PDZRN3: variants seen among roughly 807,000 people sequenced by gnomAD.
The protein encoded by PDZRN3 is E3 ubiquitin-protein ligase PDZRN3.
Under a neutral mutation model 85.7 loss-of-function variants are expected in PDZRN3, and 38 were observed. The observed-to-expected ratio is 0.44, with a 90% CI of 0.34 to 0.58. PDZRN3 has a LOEUF of 0.58. PDZRN3 is among the 20% of genes least tolerant of loss of function. PDZRN3 has a pLI of 0.01. For synonymous variants in PDZRN3, 759 were observed against 638.0 expected (o/e 1.19, Z -2.86); for missense variants, 1,629 against 1,506.4 (o/e 1.08, Z -1.35).
chr3:73,441,538 GTTCT>G (rs1367858337), intron 3 of PDZRN3, among the ~76,000 whole-genome samples: 5 of 152,026 alleles, frequency 3.3e-5, no homozygotes, highest in African/African-American at 1.2e-4. Flanking sequence ...TGAGCTAAGA[GTTCT>G]TTGACACTTG....
chr3:73,433,762 A>G, intron 3 of PDZRN3: 1 of 1,535,052 alleles, frequency 6.5e-7, no homozygotes, highest in Non-Finnish European at 8.7e-7. Context: ...CGGGAAAAGC[A>G]GCTCCCTTAC....
intron 3 of PDZRN3, among the ~76,000 whole-genome samples, chr3:73,527,332 A>G (rs2106744895): frequency 6.6e-6 from 1 of 152,264 alleles, no homozygotes; most frequent in African/African-American, 2.4e-5. Flanking sequence ...AATGGTTTTT[A>G]AGGCCACAAG....
At position 73,527,613 on chromosome 3, in the gene PDZRN3, T is replaced by C. The variant is rs904330592; in HGVS notation, c.918+74741A>G. Among the ~76,000 whole-genome samples the C allele has an allele frequency of 8.3e-4, 126 of 152,266 alleles. 1 individual carries two copies. Among genetic ancestry groups the C allele is most frequent in the African/African-American group, 2.8e-3 (117 of 41,564 alleles). ...AAAAAAAAAATCATACATTCTGAGC[T>C]GTTCTCAGAATTCTCAGGTCTATGA... On this transcript the variant is annotated intron_variant, in intron 3 of 9. Transcript: ENST00000263666.
At chr3:73,620,200 G>C (rs180945507) in intron 1 of PDZRN3, among the ~76,000 whole-genome samples, 2 of 152,204 alleles carry the variant, frequency 1.3e-5, no homozygotes, top group Non-Finnish European at 2.9e-5. Flanking sequence ...GAGTGAGCTG[G>C]AGAGCTGTGA....
At chr3:73,604,751 T>C (rs990454349) in intron 2 of PDZRN3, among the ~76,000 whole-genome samples, 1 of 152,148 alleles carries the variant, frequency 6.6e-6, no homozygotes, top group Non-Finnish European at 1.5e-5. Context: ...AAGAGGGAGA[T>C]AGGGGATAGG....
chr3:73,549,607 G>A (rs140034735), intron 3 of PDZRN3, among the ~76,000 whole-genome samples: 6 of 152,184 alleles, frequency 3.9e-5, no homozygotes, highest in African/African-American at 1.2e-4. Context: ...ACTCAAAGAC[G>A]GAGAGAAGGG....
At chr3:73,564,791 C>T (rs534559963) in intron 3 of PDZRN3, among the ~76,000 whole-genome samples, 1 of 152,314 alleles carries the variant, frequency 6.6e-6, no homozygotes. Context: ...CTGTGTGACA[C>T]TGGGCAAGCC....
intron 2 of PDZRN3, 37 bp downstream of exon 2, chr3:73,608,561 C>T: frequency 7.1e-7 from 1 of 1,416,162 alleles, no homozygotes; most frequent in Non-Finnish European, 1.0e-6. Flanking sequence ...CCAGCTACAC[C>T]AGGAAAAGGA....
At position 73,404,375 on chromosome 3, in the gene PDZRN3, G is replaced by A. The variant is rs1239634708; in HGVS notation, c.939C>T (p.Ser313=). The A allele has an allele frequency of 6.8e-6, 11 of 1,613,806 alleles. No individual in the cohort carries two copies. Among genetic ancestry groups the A allele is most frequent in the Non-Finnish European group, 9.3e-6 (11 of 1,179,908 alleles). The stretch of plus-strand genomic sequence containing the variant: ...CCACAGCCTGGTCATGAGTTGCTCT[G>A]GATAAGTCTCTGCCGTTGACCTGTG... ...RIIEVNGRDL[S]RATHDQAVEA... The change falls in exon 4 of 10, where the codon TCC becomes TCT. Residue 313 remains serine, a synonymous_variant. Transcript: ENST00000263666.
intron 2 of PDZRN3, among the ~76,000 whole-genome samples, chr3:73,608,094 T>G (rs1322460968): frequency 1.3e-5 from 2 of 152,198 alleles, no homozygotes. Flanking sequence ...GAGGAGGGTC[T>G]GCTGATGAAT....
At chr3:73,532,559 G>A (rs763964635) in intron 3 of PDZRN3, among the ~76,000 whole-genome samples, 6 of 152,138 alleles carry the variant, frequency 3.9e-5, no homozygotes, top group Non-Finnish European at 7.4e-5. Context: ...GTTACTTCTG[G>A]CAAACACATG....
At chr3:73,492,443 A>C (rs1703789363) in intron 3 of PDZRN3, among the ~76,000 whole-genome samples, 1 of 152,180 alleles carries the variant, frequency 6.6e-6, no homozygotes, top group Admixed American at 6.5e-5. Context: ...CCTTGCCTTG[A>C]ATATGCTCTA....
At chr3:73,594,726 G>C (rs1469047762) in intron 3 of PDZRN3, among the ~76,000 whole-genome samples, 2 of 152,070 alleles carry the variant, frequency 1.3e-5, no homozygotes, top group East Asian at 3.8e-4. Context: ...AGAGTCTTCT[G>C]TTGCTGTAGT....
At chr3:73,422,199 T>C (rs1484054912) in intron 3 of PDZRN3, among the ~76,000 whole-genome samples, 3 of 152,182 alleles carry the variant, frequency 2.0e-5, no homozygotes, top group South Asian at 4.1e-4. Flanking sequence ...TGCCCACTAA[T>C]GTCTTTTAAT....
intron 2 of PDZRN3, among the ~76,000 whole-genome samples, chr3:73,605,301 T>G (rs1037580560): frequency 2.0e-5 from 3 of 152,212 alleles, no homozygotes; most frequent in Non-Finnish European, 4.4e-5. Flanking sequence ...GTTACAGCTA[T>G]TTATCAAGGT....
At chr3:73,433,898 C>G (rs1479631545) in intron 3 of PDZRN3, 20 of 1,430,262 alleles carry the variant, frequency 1.4e-5, no homozygotes, top group Non-Finnish European at 1.6e-5. Context: ...TCCCTTCCTC[C>G]CCTCGCAGCA....
At chr3:73,420,832 C>T (rs1702185756) in intron 3 of PDZRN3, among the ~76,000 whole-genome samples, 1 of 152,258 alleles carries the variant, frequency 6.6e-6, no homozygotes, top group African/African-American at 2.4e-5. Flanking sequence ...CTTCCCAAAT[C>T]CATGAATTCT....
chr3:73,454,346 C>A (rs770518527), intron 3 of PDZRN3, among the ~76,000 whole-genome samples: 1 of 152,136 alleles, frequency 6.6e-6, no homozygotes, highest in Non-Finnish European at 1.5e-5. Context: ...CCACCTCTTT[C>A]TTTTCCCTCA....
intron 3 of PDZRN3, among the ~76,000 whole-genome samples, chr3:73,552,491 G>C (rs1362314642): frequency 6.6e-6 from 1 of 151,962 alleles, no homozygotes; most frequent in African/African-American, 2.4e-5. Context: ...TTCTTCTCTG[G>C]AAGAAATACA....
Sources: allele counts gnomAD v4.1 joint callset (sites outside exome capture counted in the v4.1 genomes callset), GRCh38; gene constraint gnomAD v4.1.1; transcripts MANE v1.5; gene names NCBI Gene and HGNC (gene_info 2026-07-23, HGNC 2026-07-21).